The following KCNK2 variants were observed in gnomAD, a reference collection of about 807,000 sequenced individuals.
KCNK2 encodes the protein potassium channel subfamily K member 2.
Under a neutral mutation model 40.5 loss-of-function variants are expected in KCNK2, and 21 were observed. The ratio of observed to expected loss-of-function variants is 0.52; its 90% CI spans 0.37 to 0.75. The LOEUF is 0.75. KCNK2 is among the 30% of genes least tolerant of loss of function. The pLI is 0.00. For synonymous variants in KCNK2, 191 were observed against 202.2 expected (o/e 0.94, Z 0.47); for missense variants, 399 against 531.6 (o/e 0.75, Z 2.45).
At chr1:215,007,129 A>G (rs188722061) in intron 1 of KCNK2, among the ~76,000 whole-genome samples, 14 of 122,276 alleles carry the variant, frequency 1.1e-4, no homozygotes, top group Admixed American at 1.1e-3. Flanking sequence ...ATGTATATAT[A>G]TGTGTATATA....
chr1:215,108,326 A>T (rs1268861509), intron 2 of KCNK2, among the ~76,000 whole-genome samples: 1 of 152,182 alleles, frequency 6.6e-6, no homozygotes, highest in Non-Finnish European at 1.5e-5. Flanking sequence ...TGCAAATACC[A>T]TATCATTTTA....
chr1:215,070,333 G>A (rs542176659), intron 1 of KCNK2, among the ~76,000 whole-genome samples: 80 of 150,996 alleles, frequency 5.3e-4, no homozygotes, highest in African/African-American at 1.6e-3. Context: ...GGAGAATGGC[G>A]TGAATCTGGG....
chr1:215,044,208 A>C (rs1270565860), intron 1 of KCNK2, among the ~76,000 whole-genome samples: 1 of 152,150 alleles, frequency 6.6e-6, no homozygotes, highest in East Asian at 1.9e-4. Context: ...GTCGTACATG[A>C]TAGTCTGAGC....
chr1:215,037,026 G>A (rs377274001), intron 1 of KCNK2, among the ~76,000 whole-genome samples: 438 of 34,304 alleles, frequency 0.013, 1 homozygote, highest in African/African-American at 0.045. Flanking sequence ...TTGCCTTATT[G>A]TACTTGCTAA....
intron 6 of KCNK2, among the ~76,000 whole-genome samples, chr1:215,197,723 G>T (rs1397562458): frequency 6.6e-6 from 1 of 152,168 alleles, no homozygotes; most frequent in African/African-American, 2.4e-5. Context: ...AACAAGACCG[G>T]GTGGGGTTGC....
chr1:215,122,985 C>G (rs1233164727), intron 2 of KCNK2, among the ~76,000 whole-genome samples: 1 of 151,840 alleles, frequency 6.6e-6, no homozygotes, highest in Non-Finnish European at 1.5e-5. Context: ...ACCTCGTGAT[C>G]CACCCGCCTC....
chr1:215,118,843 T>C (rs1203269091), intron 2 of KCNK2, among the ~76,000 whole-genome samples: 1 of 152,188 alleles, frequency 6.6e-6, no homozygotes, highest in Non-Finnish European at 1.5e-5. Flanking sequence ...CAGAATTTTC[T>C]TTATCACTTA....
chr1:215,068,918 A>G (rs1658655447), intron 1 of KCNK2, among the ~76,000 whole-genome samples: 1 of 152,200 alleles, frequency 6.6e-6, no homozygotes, highest in South Asian at 2.1e-4. Flanking sequence ...TTTAACTGAA[A>G]TCCTGTTTGT....
At chr1:215,213,872 A>C (rs985957882) in intron 6 of KCNK2, among the ~76,000 whole-genome samples, 20 of 152,304 alleles carry the variant, frequency 1.3e-4, no homozygotes, top group Middle Eastern at 3.4e-3. Context: ...TGTTGTCTCA[A>C]AAGTTCTTGG....
At chr1:215,224,066 A>G (rs1666290840) in intron 6 of KCNK2, among the ~76,000 whole-genome samples, 1 of 152,186 alleles carries the variant, frequency 6.6e-6, no homozygotes, top group African/African-American at 2.4e-5. Flanking sequence ...CTAAGTTTAT[A>G]TAGATAAGTT....
rs547972089 is a variant in KCNK2, at chr1:215,028,256, G to A, written c.34+22301G>A. 3.5e-3 allele frequency among the ~76,000 whole-genome samples: 531 copies of A among 152,046 alleles called. 2 individuals carry two copies. The highest frequency in any genetic ancestry group is 6.1e-3 in the Non-Finnish European group (413 of 67,952). ...ACAAAAATCAGCCGAGCGTGGTGGCGGGTCTGTAATCCCAGTTACTCAGGA... is the reference window on the plus strand; with the variant it reads ...ACAAAAATCAGCCGAGCGTGGTGGCAGGTCTGTAATCCCAGTTACTCAGGA... On this transcript the variant is annotated intron_variant, in intron 1 of 6. Transcript: ENST00000391895.
chr1:215,073,128 C>T (rs971141718), intron 1 of KCNK2, among the ~76,000 whole-genome samples: 2 of 152,032 alleles, frequency 1.3e-5, no homozygotes, highest in African/African-American at 4.8e-5. Flanking sequence ...AGCGCTGCGT[C>T]TACAAGCCAA....
At chr1:215,070,863 G>A (rs893275450) in intron 1 of KCNK2, among the ~76,000 whole-genome samples, 5 of 152,088 alleles carry the variant, frequency 3.3e-5, no homozygotes, top group African/African-American at 1.2e-4. Context: ...CAAGACACAT[G>A]CAATTACGAT....
At chr1:215,167,801 C>T (rs1484803779) in intron 3 of KCNK2, among the ~76,000 whole-genome samples, 1 of 151,740 alleles carries the variant, frequency 6.6e-6, no homozygotes, top group East Asian at 1.9e-4. Flanking sequence ...ACAGGATTAT[C>T]AGCAATAGAG....
intron 3 of KCNK2, among the ~76,000 whole-genome samples, chr1:215,139,451 T>C (rs1662071994): frequency 6.6e-6 from 1 of 152,210 alleles, no homozygotes; most frequent in Non-Finnish European, 1.5e-5. Flanking sequence ...AATCCCATGT[T>C]GATGACCATT....
At chr1:215,169,643 C>CTT (rs35265842) in intron 4 of KCNK2, among the ~76,000 whole-genome samples, 419 of 146,078 alleles carry the variant, frequency 2.9e-3, no homozygotes, top group Middle Eastern at 7.0e-3. Flanking sequence ...CTTTTTCTTT[C>CTT]TTTTTTTTTT....
chr1:215,201,429 C>T lies in KCNK2; in HGVS notation c.963+6337C>T, dbSNP rs112786985. On this transcript the variant is annotated intron_variant, in intron 6 of 6. Coordinates refer to ENST00000444842, the MANE Select transcript of KCNK2 (RefSeq NM_001017425.3). ...CAGTAGCTATATCTTAAGATAGTTC[C>T]GGCCACATAAAACACAATTTCAAAG... is the stretch of plus-strand genomic sequence containing the variant. Among the ~76,000 whole-genome samples the T allele has an allele frequency of 3.4e-3, 520 of 152,188 alleles. 5 individuals carry two copies. The highest frequency in any genetic ancestry group is 0.014 in the Middle Eastern group (4 of 294).
chr1:215,128,629 T>A lies in KCNK2; in HGVS notation c.475+3879T>A, dbSNP rs554732437. ...GAAAGGAAAGGCTTAAGTGGGGAAG[T>A]TGGATTTGAACTGTGACTTGAAGAA... On this transcript the variant is annotated intron_variant, in intron 3 of 6. Transcript: ENST00000444842. Among the ~76,000 whole-genome samples, 7 of 152,050 alleles carry A rather than the reference T, an allele frequency of 4.6e-5. No individual in the cohort carries two copies. In the South Asian group the frequency reaches 1.5e-3, roughly 32 times the overall value.
chr1:215,171,518 T>C (rs1663709380), intron 4 of KCNK2, among the ~76,000 whole-genome samples: 1 of 152,146 alleles, frequency 6.6e-6, no homozygotes, highest in South Asian at 2.1e-4. Flanking sequence ...TGTTTATCAA[T>C]GAACAATTGT....
Sources: allele counts gnomAD v4.1 joint callset (sites outside exome capture counted in the v4.1 genomes callset), GRCh38; gene constraint gnomAD v4.1.1; transcripts MANE v1.5; gene names NCBI Gene and HGNC (gene_info 2026-07-23, HGNC 2026-07-21).